Variants in SREBF1 observed in about 807,000 individuals in gnomAD.
SREBF1 encodes sterol regulatory element-binding protein 1.
SREBF1 carries 45 observed loss-of-function variants against 100.1 expected under a neutral mutation model. That is an observed-to-expected ratio of 0.45 (90% CI 0.35 to 0.58). The LOEUF is 0.58. Among genes scored for constraint, SREBF1 ranks in the 20% least tolerant of loss-of-function variants. The pLI is 0.00. For missense variants in SREBF1, 1,324 were observed against 1,539.4 expected (o/e 0.86, Z 2.34); for synonymous variants, 657 against 681.8 (o/e 0.96, Z 0.57).
intron 11 of SREBF1, 27 bp from the exon 12 acceptor site, chr17:17,816,055 C>T (rs2143012314): frequency 1.9e-6 from 3 of 1,607,572 alleles, no homozygotes; most frequent in Non-Finnish European, 2.5e-6. Context: ...TGGGCTGTCA[C>T]AGTGGACACA....
chr17:17,829,989 G>T (rs538341574), intron 1 of SREBF1, among the ~76,000 whole-genome samples: 2 of 152,146 alleles, frequency 1.3e-5, no homozygotes, highest in Non-Finnish European at 2.9e-5. Flanking sequence ...TCCCCATGGC[G>T]GGGGGTGCTC....
At position 17,817,728 on chromosome 17, in the gene SREBF1, C is replaced by G; in HGVS notation, c.1372G>C (p.Glu458Gln). Residue 458 changes from glutamate (E) to glutamine (Q), a missense_variant, in exon 7 of 19, where the codon GAG becomes CAG. Transcript: ENST00000261646. This position sits in a 1 kb window ranked among gnomAD's most constrained non-coding sequence, Gnocchi z 6.6. ...TCCTCAAAGACTGGGCTGTCAGGCT[C>G]CGAGTCACTGCCACTGCCACCGCTG... ...SGSGGSGSDSEPDSPVFEDSK... is the reference protein window; with the variant it reads ...SGSGGSGSDSQPDSPVFEDSK... 1.2e-6 allele frequency: 2 copies of G among 1,613,420 alleles called. No homozygotes were observed. Among genetic ancestry groups the G allele is most frequent in the Non-Finnish European group, 1.7e-6 (2 of 1,179,984 alleles).
chr17:17,836,015 C>G (rs1567999268), intron 1 of SREBF1, among the ~76,000 whole-genome samples: 1 of 152,254 alleles, frequency 6.6e-6, no homozygotes, highest in East Asian at 1.9e-4. Context: ...CCTGACCGCT[C>G]TACCCAAAGT....
chr17:17,821,107 T>C (rs1029923107), intron 1 of SREBF1, among the ~76,000 whole-genome samples: 3 of 151,992 alleles, frequency 2.0e-5, no homozygotes, highest in Non-Finnish European at 4.4e-5. Flanking sequence ...CCTGTCTTCA[T>C]GGGGCATGCA....
chr17:17,834,259 AT>A (rs1354495162), intron 1 of SREBF1, among the ~76,000 whole-genome samples: 2 of 152,154 alleles, frequency 1.3e-5, no homozygotes, highest in East Asian at 3.9e-4. Flanking sequence ...CACCCAGCTA[AT>A]TTTTTATTTT....
At chr17:17,831,536 C>A (rs1264172381) in intron 1 of SREBF1, among the ~76,000 whole-genome samples, 1 of 152,138 alleles carries the variant, frequency 6.6e-6, no homozygotes, top group Non-Finnish European at 1.5e-5. Flanking sequence ...AGGAAAGAGA[C>A]CCCGAGGCCC....
intron 10 of SREBF1, 32 bp downstream of exon 10, chr17:17,816,425 C>T: frequency 6.2e-7 from 1 of 1,601,708 alleles, no homozygotes. Flanking sequence ...CAGCAGGGAG[C>T]ACCTCGGAGC....
chr17:17,823,583 C>G (rs1253788669), intron 1 of SREBF1: 1 of 1,613,088 alleles, frequency 6.2e-7, no homozygotes, highest in East Asian at 2.2e-5. Context: ...GCCGTTGGCC[C>G]TACCCCTCCC....
rs1365463230 is a variant in SREBF1 at position 17,820,381 on chromosome 17, T to C, written c.232A>G (p.Thr78Ala). Residue 78 changes from threonine (T) to alanine (A), a missense_variant, in exon 2 of 19, where the codon ACA becomes GCA. Coordinates refer to ENST00000261646, the MANE Select transcript of SREBF1 (RefSeq NM_004176.5). The part of the protein sequence containing the change: ...SPGSLSPPPA[T>A]LSSSLEAFLS... ...AAGGCTTCAAGAGAGGAGCTCAATG[T>C]GGCAGGAGGTGGAGACAAGCTGCCT... The C allele has an allele frequency of 6.2e-7, 1 of 1,612,256 alleles. No individual in the cohort carries two copies. The highest frequency in any genetic ancestry group is 8.5e-7 in the Non-Finnish European group (1 of 1,178,656).
chr17:17,829,003 G>A (rs2034663038), intron 1 of SREBF1, among the ~76,000 whole-genome samples: 1 of 151,648 alleles, frequency 6.6e-6, no homozygotes, highest in Non-Finnish European at 1.5e-5. Flanking sequence ...AACCATCCTG[G>A]CCAACATGGT....
Position 17,813,673 on chromosome 17 carries a change from T to C in SREBF1, c.2998A>G (p.Thr1000Ala), listed in dbSNP as rs1042017. The change falls in exon 17 of 19, where the codon ACC becomes GCC. Residue 1000 changes from threonine to alanine, a missense_variant. Transcript: ENST00000261646. ...PPAPAPAAQGTSSRPQASALE... is the reference protein window; with the variant it reads ...PPAPAPAAQGASSRPQASALE... ...GCGGAAGCCTGGGGCCTGCTGCTGGTGCCCTGGGCTGCTGGGGCCGGGGCC... is the reference window on the plus strand; with the variant it reads ...GCGGAAGCCTGGGGCCTGCTGCTGGCGCCCTGGGCTGCTGGGGCCGGGGCC... 6.5e-7 allele frequency: 1 copy of C among 1,548,974 alleles called. No homozygotes were observed.
chr17:17,823,652 G>GCCCGCCCCGCCCCGCCC, intron 1 of SREBF1: 1 of 1,446,614 alleles, frequency 6.9e-7, no homozygotes, highest in Non-Finnish European at 9.4e-7. Context: ...GCGCTGCGGC[G>GCCCGCCCCGCCCCGCCC]CGCCCGCCCC....
chr17:17,833,166 G>A (rs1050879958), intron 1 of SREBF1, among the ~76,000 whole-genome samples: 1 of 151,708 alleles, frequency 6.6e-6, no homozygotes, highest in Non-Finnish European at 1.5e-5. Context: ...GCTCACGCCT[G>A]TAATTCCAGA....
Position 17,812,827 on chromosome 17 carries a change from C to T in SREBF1, c.3239G>A (p.Arg1080Gln). 6.8e-7 allele frequency: 1 copy of T among 1,476,208 alleles called. No homozygotes were observed. Among genetic ancestry groups the T allele is most frequent in the Non-Finnish European group, 8.9e-7 (1 of 1,120,612 alleles). 91.4% of individuals were successfully genotyped at this position (1,476,208 alleles called of 1,614,324 possible). The change falls in exon 19 of 19, where the codon CGG (arginine) becomes CAG (glutamine). Residue 1080 changes from arginine to glutamine, a missense_variant. Physicochemically the swap from Arg to Gln is conservative, Grantham distance 43. Transcript: ENST00000261646. ...KGGAVAELEP[R>Q]PTRREHAEAL... ...CTCCGCGTGCTCCCGCCGCGTGGGC[C>T]GCGGCTCCAGCTCCGCCACCGCGCC...
At chr17:17,834,234 G>C (rs1233123367) in intron 1 of SREBF1, among the ~76,000 whole-genome samples, 1 of 152,072 alleles carries the variant, frequency 6.6e-6, no homozygotes, top group Non-Finnish European at 1.5e-5. Flanking sequence ...TGAGACTACA[G>C]GCACATGTCA....
intron 15 of SREBF1, 88 bp downstream of exon 15, chr17:17,814,527 C>A: frequency 6.5e-7 from 1 of 1,535,728 alleles, no homozygotes; most frequent in Non-Finnish European, 8.7e-7. Flanking sequence ...TCCTCCTGCA[C>A]AGAACAAAGG....
Position 17,812,358 on chromosome 17 carries a change from A to G in SREBF1, c.*264T>C. 1.7e-6 allele frequency: 1 copy of G among 574,930 alleles called. No individual in the cohort carries two copies. The allele number at this position is 574,930 out of a possible 1,614,324, so 35.6% of individuals were successfully genotyped here. A position where few individuals can be genotyped will look rare whatever the true frequency, so the allele number is the denominator to read the frequency against. On this transcript the variant is annotated 3_prime_UTR_variant, in exon 19 of 19. Transcript: ENST00000261646. ...AAGCCACTAAGGTGCCTGCAGAGCA[A>G]GGAGGGGGGCCCCCCAAAATGGCTC...
At position 17,819,407 on chromosome 17, in the gene SREBF1, T is replaced by C; in HGVS notation, c.759A>G (p.Thr253=). 1 of 1,613,876 alleles carries C rather than the reference T, an allele frequency of 6.2e-7. No individual in the cohort carries two copies. Among genetic ancestry groups the C allele is most frequent in the Non-Finnish European group, 8.5e-7 (1 of 1,180,042 alleles). Residue 253 remains threonine (T), a synonymous_variant, in exon 4 of 19, where the codon ACA becomes ACG. Coordinates refer to ENST00000261646, the MANE Select transcript of SREBF1 (RefSeq NM_004176.5). ...HFIKADSLLL[T]AMKTDGATVK... is the part of the protein sequence containing the mutation. ...CAGTGGCTCCGTCTGTCTTCATGGC[T>C]GTCAGAAGCAGCGAGTCTGCCTTGA...
intron 12 of SREBF1, 62 bp downstream of exon 12, chr17:17,815,798 G>GGGAGA (rs2033497781): frequency 6.5e-7 from 1 of 1,535,692 alleles, no homozygotes. Flanking sequence ...CAGGCGACAA[G>GGGAGA]GGACAGGACA....
Sources: allele counts gnomAD v4.1 joint callset (sites outside exome capture counted in the v4.1 genomes callset), GRCh38; gene constraint gnomAD v4.1.1; non-coding constraint Gnocchi (gnomAD v3.1); transcripts MANE v1.5; gene names NCBI Gene and HGNC (gene_info 2026-07-23, HGNC 2026-07-21).